The following GFRA1 variants were observed in gnomAD, a reference collection of about 807,000 sequenced individuals.
GFRA1 encodes the protein GDNF family receptor alpha-1.
A neutral mutation model predicts 51.6 loss-of-function variants in GFRA1; 16 were observed. The observed-to-expected ratio is 0.31, with a 90% CI of 0.21 to 0.47. The LOEUF is 0.47. Ranked by LOEUF, GFRA1 falls within the 20% of genes least tolerant of loss-of-function variation. GFRA1 has a pLI of 1.00. For missense variants in GFRA1, 530 were observed against 594.3 expected, an observed-to-expected ratio of 0.89 and a Z score of 1.13; for synonymous variants, 270 against 241.3, an observed-to-expected ratio of 1.12 and a Z score of -1.10.
chr10:116,120,146 G>C (rs1307553535), intron 6 of GFRA1, among the ~76,000 whole-genome samples: 1 of 152,226 alleles, frequency 6.6e-6, no homozygotes, highest in Admixed American at 6.5e-5. Flanking sequence ...ACACCAGGAA[G>C]AACAAGTGTA....
chr10:116,093,900 A>T, intron 7 of GFRA1, 64 bp from the exon 8 acceptor site: 1 of 1,503,632 alleles, frequency 6.7e-7, no homozygotes, highest in South Asian at 1.1e-5. Flanking sequence ...GCCTAAAAAG[A>T]AACCAATATT....
intron 6 of GFRA1, 59 bp from the exon 7 acceptor site, chr10:116,096,823 C>T (rs974017833): frequency 7.8e-5 from 69 of 884,912 alleles, no homozygotes; most frequent in African/African-American, 6.2e-4. Context: ...CCTAAGCCTC[C>T]GGACAGACAT....
At chr10:116,123,826 T>TGTGAC (rs1957743727) in intron 6 of GFRA1, among the ~76,000 whole-genome samples, 1 of 152,182 alleles carries the variant, frequency 6.6e-6, no homozygotes, top group Non-Finnish European at 1.5e-5. Context: ...TGCCTGAAGC[T>TGTGAC]TGGGGGTGAA....
At chr10:116,189,860 T>C (rs1963090381) in intron 5 of GFRA1, among the ~76,000 whole-genome samples, 2 of 152,306 alleles carry the variant, frequency 1.3e-5, no homozygotes, top group Middle Eastern at 3.4e-3. Context: ...CTCATCATTA[T>C]AGAAGGTCAA....
chr10:116,171,027 G>A (rs1960968926), intron 5 of GFRA1, among the ~76,000 whole-genome samples: 1 of 152,164 alleles, frequency 6.6e-6, no homozygotes, highest in African/African-American at 2.4e-5. Context: ...TATAAAAGCT[G>A]TCAATTAGGA....
chr10:116,122,943 A>C lies in GFRA1; in HGVS notation c.770+2278T>G, dbSNP rs1565591693. 1.3e-5 allele frequency among the ~76,000 whole-genome samples: 2 copies of C among 152,164 alleles called. 1 individual carries two copies. Among genetic ancestry groups the C allele is most frequent in the African/African-American group, 4.8e-5 (2 of 41,442 alleles). ...GACAGGGAGGAGCTGTCTGGCATTA[A>C]GCCAAGTAAGACCCTAGAAATCCAG... On this transcript the variant is annotated intron_variant, in intron 6 of 10. Coordinates refer to ENST00000355422, the MANE Select transcript of GFRA1 (RefSeq NM_005264.8).
rs565425904 is a variant in GFRA1 at position 116,267,391 on chromosome 10, G to A, written c.418+2112C>T. Among the ~76,000 whole-genome samples the A allele has an allele frequency of 3.9e-5, 6 of 151,932 alleles. No individual in the cohort carries two copies. In the South Asian group the frequency reaches 6.2e-4, roughly 16 times the overall value. ...TGAGGCAGGAGAATCACTTGAACAC[G>A]GGAGGCAAAGGTAGCATTGCGCCGA... On this transcript the variant is annotated intron_variant, in intron 4 of 10. Transcript: ENST00000355422.
rs764261686 is a variant in GFRA1 at position 116,125,541 on chromosome 10, T to C, written c.450A>G (p.Lys150=). Residue 150 remains lysine (K), a synonymous_variant, in exon 6 of 11, where the codon AAA becomes AAG. Coordinates refer to ENST00000355422, the MANE Select transcript of GFRA1 (RefSeq NM_005264.8). ...DVFQQVEHIP[K]GNNCLDAAKA... is the part of the protein sequence containing the mutation. ...TCGCTGCATCCAGGCAGTTGTTCCCTTTGGGAATGTGCTCCACTGCAAATG... is the reference window on the plus strand; with the variant it reads ...TCGCTGCATCCAGGCAGTTGTTCCCCTTGGGAATGTGCTCCACTGCAAATG... The C allele has an allele frequency of 3.1e-5, 50 of 1,613,342 alleles. No homozygotes were observed. The South Asian group carries it at 5.3e-4, about 17-fold the overall frequency.
intron 4 of GFRA1, among the ~76,000 whole-genome samples, chr10:116,245,005 T>C (rs1252984222): frequency 6.6e-6 from 1 of 152,116 alleles, no homozygotes; most frequent in Admixed American, 6.5e-5. Flanking sequence ...AGTTAGACAT[T>C]CTAGACTCTA....
intron 5 of GFRA1, among the ~76,000 whole-genome samples, chr10:116,129,313 T>A (rs1324383608): frequency 6.6e-6 from 1 of 152,202 alleles, no homozygotes; most frequent in Non-Finnish European, 1.5e-5. Flanking sequence ...AGCAATATCT[T>A]AAAAGGCTAA....
intron 5 of GFRA1, among the ~76,000 whole-genome samples, chr10:116,128,209 A>G (rs1957953891): frequency 6.6e-6 from 1 of 152,220 alleles, no homozygotes; most frequent in African/African-American, 2.4e-5. Context: ...CTTACACTCA[A>G]TTAATGTTAT....
At chr10:116,136,168 T>C (rs1958317190) in intron 5 of GFRA1, among the ~76,000 whole-genome samples, 1 of 152,256 alleles carries the variant, frequency 6.6e-6, no homozygotes, top group Non-Finnish European at 1.5e-5. Context: ...ATTTCCCGTT[T>C]TTATGAAGGC....
In GFRA1 at chr10:116,244,916, T is replaced by C. The variant is rs147320569; in HGVS notation, c.418+24587A>G. 5.3e-5 allele frequency among the ~76,000 whole-genome samples: 8 copies of C among 152,116 alleles called. No individual in the cohort carries two copies. In the East Asian group the frequency reaches 1.5e-3, roughly 29 times the overall value. On this transcript the variant is annotated intron_variant, in intron 4 of 10. Coordinates refer to ENST00000355422, the MANE Select transcript of GFRA1 (RefSeq NM_005264.8). Reference sequence around the variant, plus strand: ...TTTAAAAATCACACCTAAATACCAGTGAAATCAGTAAACATAAGCCAACAG... The same window carrying C: ...TTTAAAAATCACACCTAAATACCAGCGAAATCAGTAAACATAAGCCAACAG...
chr10:116,273,692 TCTCACACACACACACAGA>T (rs1565697641), upstream of GFRA1, among the ~76,000 whole-genome samples: 4 of 147,518 alleles, frequency 2.7e-5, no homozygotes, highest in Non-Finnish European at 4.5e-5. Context: ...TCTCTCTCTC[TCTCACACACACACACAGA>T]CACACACACA....
At chr10:116,207,593 T>G (rs571477018) in intron 5 of GFRA1, among the ~76,000 whole-genome samples, 37 of 150,138 alleles carry the variant, frequency 2.5e-4, no homozygotes, top group African/African-American at 8.2e-4. Flanking sequence ...CGTACTCAGC[T>G]GAGGCTTAAA....
At chr10:116,140,640 A>T (rs1958522334) in intron 5 of GFRA1, among the ~76,000 whole-genome samples, 1 of 152,160 alleles carries the variant, frequency 6.6e-6, no homozygotes, top group African/African-American at 2.4e-5. Flanking sequence ...TTGGTAATTC[A>T]TTTCTGGTAT....
Position 116,269,524 on chromosome 10 carries a change from G to C in GFRA1, c.397C>G (p.Arg133Gly), listed in dbSNP as rs759420191. Reference protein sequence around the residue: ...PVNSRLSDIFRVVPFISDVFQ... With the variant: ...PVNSRLSDIFGVVPFISDVFQ... ...TTACCTGATATGAATGGGACCACCC[G>C]GAATATATCTGACAATCTGCTGTTA... Residue 133 changes from arginine to glycine, a missense_variant, in exon 4 of 11, where the codon CGG (arginine) becomes GGG (glycine). Physicochemically the swap from Arg to Gly is moderately radical, Grantham distance 125. Transcript: ENST00000355422. 6.2e-7 allele frequency: 1 copy of C among 1,602,034 alleles called. No homozygotes were observed. The highest frequency in any genetic ancestry group is 1.7e-5 in the Admixed American group (1 of 60,004).
chr10:116,247,793 T>C (rs1012630028), intron 4 of GFRA1, among the ~76,000 whole-genome samples: 9 of 152,206 alleles, frequency 5.9e-5, no homozygotes, highest in African/African-American at 2.2e-4. Context: ...TATATATTCA[T>C]GTATCATCTG....
intron 4 of GFRA1, among the ~76,000 whole-genome samples, chr10:116,226,001 C>T (rs1966269841): frequency 6.6e-6 from 1 of 152,154 alleles, no homozygotes; most frequent in Non-Finnish European, 1.5e-5. Context: ...TTCTATTGGA[C>T]AGTGCTGGTC....
Sources: allele counts gnomAD v4.1 joint callset (sites outside exome capture counted in the v4.1 genomes callset), GRCh38; gene constraint gnomAD v4.1.1; transcripts MANE v1.5; gene names NCBI Gene and HGNC (gene_info 2026-07-23, HGNC 2026-07-21).